The following REPS1 variants were observed in gnomAD, a reference collection of about 807,000 sequenced individuals.
REPS1 encodes ralBP1-associated Eps domain-containing protein 1.
Under a neutral mutation model 100.9 loss-of-function variants are expected in REPS1, and 39 were observed. The observed-to-expected ratio is 0.39, with a 90% confidence interval of 0.30 to 0.50. The LOEUF is 0.50. Among genes scored for constraint, REPS1 ranks in the 20% least tolerant of loss-of-function variants. The probability of loss-of-function intolerance (pLI) is 0.86; values close to 1 mark genes in which losing one functional copy is unlikely to be tolerated. For synonymous variants in REPS1, 324 were observed against 340.3 expected, an observed-to-expected ratio of 0.95 and a Z score of 0.53; for missense variants, 821 against 968.5, an observed-to-expected ratio of 0.85 and a Z score of 2.02.
chr6:138,959,255 G>A (rs1318021137), intron 1 of REPS1, among the ~76,000 whole-genome samples: 2 of 152,122 alleles, frequency 1.3e-5, no homozygotes, highest in Admixed American at 1.3e-4. Context: ...TGCAGGGAAC[G>A]CTAAGAACAA....
intron 10 of REPS1, among the ~76,000 whole-genome samples, chr6:138,922,568 T>C (rs1379705001): frequency 6.6e-6 from 1 of 152,138 alleles, no homozygotes; most frequent in Admixed American, 6.5e-5. Context: ...GAGGTGTACC[T>C]AGGACACAGT....
chr6:138,946,477 C>T (rs1221159952), intron 2 of REPS1, among the ~76,000 whole-genome samples: 2 of 152,152 alleles, frequency 1.3e-5, no homozygotes, highest in African/African-American at 2.4e-5. Context: ...TGATTACTTT[C>T]GTCTCTGTTT....
intron 12 of REPS1, among the ~76,000 whole-genome samples, chr6:138,918,074 CGTGTGTGTGTGTGTATGTTTGT>C (rs1780519993): frequency 6.7e-6 from 1 of 148,334 alleles, no homozygotes; most frequent in Non-Finnish European, 1.5e-5. Flanking sequence ...AGTTTGCATG[CGTGTGTGTGTGTGTATGTTTGT>C]GTGTGTGTGT....
intron 1 of REPS1, among the ~76,000 whole-genome samples, chr6:138,969,373 C>T (rs1784202098): frequency 6.9e-6 from 1 of 145,248 alleles, no homozygotes; most frequent in African/African-American, 2.5e-5. Flanking sequence ...CTCACTGCAT[C>T]CTCAACCTCC....
chr6:138,914,642 C>T, intron 15 of REPS1, 55 bp downstream of exon 15: 1 of 1,361,042 alleles, frequency 7.3e-7, no homozygotes, highest in Non-Finnish European at 1.1e-6. Flanking sequence ...GAATTAAATA[C>T]CTAGCAGGCA....
chr6:138,961,054 T>C (rs1783705904), intron 1 of REPS1, among the ~76,000 whole-genome samples: 1 of 152,194 alleles, frequency 6.6e-6, no homozygotes. Context: ...CTAAGTCAGC[T>C]ATTCTTTCAA....
intron 1 of REPS1, among the ~76,000 whole-genome samples, chr6:138,964,019 T>A (rs1019885386): frequency 1.3e-5 from 2 of 152,218 alleles, no homozygotes; most frequent in Admixed American, 1.3e-4. Context: ...GAGATACTTA[T>A]CAGTTATATT....
intron 8 of REPS1, among the ~76,000 whole-genome samples, chr6:138,939,837 C>T (rs913084866): frequency 6.6e-6 from 1 of 151,044 alleles, no homozygotes; most frequent in Non-Finnish European, 1.5e-5. Flanking sequence ...GCTTTCAGCT[C>T]AAGTCAGAGG....
At chr6:138,938,018 A>T (rs186917817) in intron 8 of REPS1, among the ~76,000 whole-genome samples, 13,274 of 140,448 alleles carry the variant, frequency 0.095, 1,220 homozygotes, top group African/African-American at 0.24. Context: ...TTTTTTTTTT[A>T]AAGAAGACAA....
chr6:138,918,738 T>C lies in REPS1; in HGVS notation c.1529-1111A>G, dbSNP rs868238773. 2.6e-5 allele frequency among the ~76,000 whole-genome samples: 4 copies of C among 152,338 alleles called. No individual in the cohort carries two copies. The Middle Eastern group carries it at 0.01, about 389-fold the overall frequency. On this transcript the variant is annotated intron_variant, in intron 12 of 19. Coordinates refer to ENST00000450536, the MANE Select transcript of REPS1 (RefSeq NM_001286611.2). Reference sequence around the variant, plus strand: ...TGTGCTTATACAATAATAATAATTATGAAATTAGCCAAGGATCCCAGCTTT... The same window carrying C: ...TGTGCTTATACAATAATAATAATTACGAAATTAGCCAAGGATCCCAGCTTT...
chr6:138,976,153 C>T (rs1463229131), intron 1 of REPS1, among the ~76,000 whole-genome samples: 3 of 152,126 alleles, frequency 2.0e-5, no homozygotes, highest in Non-Finnish European at 4.4e-5. Context: ...ACCTATGATC[C>T]TTCCAGTCAC....
rs117874097 is a variant in REPS1 at position 138,940,123 on chromosome 6, C to T, written c.1135+1212G>A. On this transcript the variant is annotated intron_variant, in intron 8 of 19. Transcript: ENST00000450536. ...ATTCAGATTACTGACTCCAAGGAGA[C>T]TGTTCTCTTTTGTGACAGTAATTTC... Among the ~76,000 whole-genome samples, 80 of 152,328 alleles carry T rather than the reference C, an allele frequency of 5.3e-4. 1 individual carries two copies. Among genetic ancestry groups the T allele is most frequent in the Non-Finnish European group, 9.6e-4 (65 of 68,018 alleles).
intron 1 of REPS1, among the ~76,000 whole-genome samples, chr6:138,969,529 T>A (rs1052831585): frequency 1.3e-5 from 2 of 150,604 alleles, no homozygotes; most frequent in African/African-American, 4.9e-5. Flanking sequence ...GCTCAAGTGA[T>A]CCATCTGCCT....
chr6:138,980,209 C>A (rs1402461922), intron 1 of REPS1, among the ~76,000 whole-genome samples: 1 of 152,168 alleles, frequency 6.6e-6, no homozygotes, highest in African/African-American at 2.4e-5. Flanking sequence ...CCTACTGCCA[C>A]CTCGCTAATC....
chr6:138,942,124 C>T (rs1300733701), intron 7 of REPS1, among the ~76,000 whole-genome samples: 5 of 152,060 alleles, frequency 3.3e-5, no homozygotes, highest in African/African-American at 1.2e-4. Context: ...GGATTACAAG[C>T]GTGAGCCACC....
chr6:138,978,323 C>G (rs59285893), intron 1 of REPS1, among the ~76,000 whole-genome samples: 1 of 149,302 alleles, frequency 6.7e-6, no homozygotes, highest in Admixed American at 6.7e-5. Flanking sequence ...GGGTCTGGCT[C>G]TGTTGCCCAG....
chr6:138,969,859 A>ATTTTT lies in REPS1; in HGVS notation c.153+17666_153+17670dup, dbSNP rs56070030. 8.5e-3 allele frequency among the ~76,000 whole-genome samples: 801 copies of ATTTTT among 94,608 alleles called. 72 individuals carry two copies. The highest frequency in any genetic ancestry group is 0.03 in the African/African-American group (697 of 23,142). 62.1% of individuals were successfully genotyped at this position (94,608 alleles called of 152,430 possible). On this transcript the variant is annotated intron_variant, in intron 1 of 19. Transcript: ENST00000450536. ...AAGAAAGAGGTTACTGTGAATTGGG[A>ATTTTT]TTTTTTTTTTTTTTTTTTTTTTTTT...
chr6:138,950,688 T>G (rs1021700492), intron 1 of REPS1, among the ~76,000 whole-genome samples: 1 of 152,196 alleles, frequency 6.6e-6, no homozygotes, highest in African/African-American at 2.4e-5. Context: ...AGTCCACCCC[T>G]CAATTTTTTT....
At chr6:138,918,398 T>C (rs1034625461) in intron 12 of REPS1, among the ~76,000 whole-genome samples, 4 of 152,190 alleles carry the variant, frequency 2.6e-5, no homozygotes, top group African/African-American at 9.7e-5. Context: ...TTGGTACCCA[T>C]GGGGGTCCTG....
Sources: allele counts gnomAD v4.1 joint callset (sites outside exome capture counted in the v4.1 genomes callset), GRCh38; gene constraint gnomAD v4.1.1; transcripts MANE v1.5; gene names NCBI Gene and HGNC (gene_info 2026-07-23, HGNC 2026-07-21).